Variants in SLC38A6 observed in about 807,000 individuals in gnomAD.
SLC38A6 encodes N system amino acid transporter NAT-1.
SLC38A6 carries 73 observed loss-of-function variants against 65.0 expected under a neutral mutation model. The observed-to-expected ratio is 1.12, with a 90% CI of 0.93 to 1.37. The LOEUF (loss-of-function observed/expected upper bound fraction) is 1.37, where lower values mean the gene tolerates loss of function less well. Ranked by LOEUF, SLC38A6 falls within the 40% of genes most tolerant of loss-of-function variation. The pLI, the probability that SLC38A6 is intolerant of heterozygous loss-of-function variation, is 0.00. For synonymous variants in SLC38A6, 183 were observed against 178.8 expected, an observed-to-expected ratio of 1.02 and a Z score of -0.19; for missense variants, 561 against 531.1, an observed-to-expected ratio of 1.06 and a Z score of -0.55.
chr14:61,048,140 C>A (rs1398506873), intron 12 of SLC38A6: 1 of 454,584 alleles, frequency 2.2e-6, no homozygotes, highest in Non-Finnish European at 4.4e-6. Flanking sequence ...TTGATCATAT[C>A]TTTCTACCAG....
chr14:61,075,466 T>C (rs1368729076), intron 15 of SLC38A6, among the ~76,000 whole-genome samples: 2 of 152,178 alleles, frequency 1.3e-5, no homozygotes, highest in Non-Finnish European at 2.9e-5. Flanking sequence ...ACGATCCTCA[T>C]ATGAGGGATG....
intron 15 of SLC38A6, among the ~76,000 whole-genome samples, chr14:61,064,933 A>T (rs904936215): frequency 6.6e-6 from 1 of 152,218 alleles, no homozygotes; most frequent in Non-Finnish European, 1.5e-5. Context: ...TCATGAGCTT[A>T]GCATTTAAAT....
intron 3 of SLC38A6, among the ~76,000 whole-genome samples, chr14:61,011,106 A>G (rs2039528509): frequency 6.6e-6 from 1 of 152,118 alleles, no homozygotes; most frequent in Non-Finnish European, 1.5e-5. Flanking sequence ...ATCCCTTCTA[A>G]GTTGGATTCC....
chr14:61,051,538 T>TA (rs1409955475), intron 13 of SLC38A6, among the ~76,000 whole-genome samples: 4 of 152,166 alleles, frequency 2.6e-5, no homozygotes, highest in Admixed American at 1.3e-4. Flanking sequence ...TTATGCAACC[T>TA]AAAAAAATTG....
intron 5 of SLC38A6, among the ~76,000 whole-genome samples, chr14:61,026,139 G>A (rs571514465): frequency 1.3e-5 from 2 of 151,994 alleles, no homozygotes; most frequent in Non-Finnish European, 2.9e-5. Flanking sequence ...CTCCAATTAG[G>A]GTTGGTTTGT....
At chr14:61,015,240 A>G (rs918798081) in intron 3 of SLC38A6, among the ~76,000 whole-genome samples, 8 of 152,202 alleles carry the variant, frequency 5.3e-5, no homozygotes, top group Non-Finnish European at 1.0e-4. Flanking sequence ...AAAGCGCAGT[A>G]TTAGGGTGGG....
intron 15 of SLC38A6, among the ~76,000 whole-genome samples, chr14:61,061,520 T>G (rs920686262): frequency 6.6e-6 from 1 of 152,212 alleles, no homozygotes; most frequent in Non-Finnish European, 1.5e-5. Flanking sequence ...TACCTGCTCG[T>G]CTTTGTACAT....
At chr14:60,981,527 C>A in intron 1 of SLC38A6, 145 bp downstream of exon 1, 1 of 1,532,456 alleles carries the variant, frequency 6.5e-7, no homozygotes, top group East Asian at 2.5e-5. Context: ...CTGAAGGCAG[C>A]CGCCGAGATT....
chr14:61,039,016 G>A (rs1248289048), intron 8 of SLC38A6, among the ~76,000 whole-genome samples: 1 of 152,198 alleles, frequency 6.6e-6, no homozygotes, highest in African/African-American at 2.4e-5. Flanking sequence ...AAGAGAATCA[G>A]TATAGATAAC....
chr14:61,082,255 G>A (rs1414132378), intron 16 of SLC38A6, among the ~76,000 whole-genome samples: 4 of 152,178 alleles, frequency 2.6e-5, no homozygotes, highest in Non-Finnish European at 4.4e-5. Flanking sequence ...GGCTGAAATC[G>A]TAAAACTGGT....
intron 15 of SLC38A6, among the ~76,000 whole-genome samples, chr14:61,061,695 G>A (rs115237298): frequency 1.9e-3 from 286 of 152,200 alleles, no homozygotes; most frequent in African/African-American, 6.7e-3. Flanking sequence ...TTTCTTTGTA[G>A]CACTGAATAG....
At chr14:61,010,294 G>T (rs2039459705) in intron 3 of SLC38A6, among the ~76,000 whole-genome samples, 1 of 152,144 alleles carries the variant, frequency 6.6e-6, no homozygotes, top group Non-Finnish European at 1.5e-5. Context: ...TGTCAGAAGA[G>T]TAGGTTGCAA....
chr14:61,018,665 C>T (rs2139568888), intron 4 of SLC38A6, among the ~76,000 whole-genome samples: 1 of 152,282 alleles, frequency 6.6e-6, no homozygotes, highest in Admixed American at 6.5e-5. Context: ...ACTGTTTCCT[C>T]TAAGCATATC....
At chr14:61,083,426 G>C in intron 16 of SLC38A6, 1 of 1,383,406 alleles carries the variant, frequency 7.2e-7, no homozygotes. Flanking sequence ...AAATTCGTAG[G>C]TTGAGGCCCC....
At chr14:61,054,591 T>G (rs1156356311), downstream of SLC38A6, among the ~76,000 whole-genome samples, 1 of 152,220 alleles carries the variant, frequency 6.6e-6, no homozygotes, top group Non-Finnish European at 1.5e-5. Context: ...ATCTTTCACC[T>G]CCCTGGTTAG....
chr14:61,024,177 C>T (rs1394930726), intron 5 of SLC38A6, among the ~76,000 whole-genome samples: 1 of 152,098 alleles, frequency 6.6e-6, no homozygotes, highest in Non-Finnish European at 1.5e-5. Context: ...CTAGTGTGGT[C>T]TGACAAATTG....
rs755252109 is a variant in SLC38A6 at position 61,030,463 on chromosome 14, T to C, written c.422T>C (p.Leu141Ser). ...TTTGCAGCTATGTCATCTTATCTTT[T>C]AATTATTAAAACAGAGCTTCCTGCT... is the stretch of plus-strand genomic sequence containing the variant. ...QNIGAMSSYLLIIKTELPAAI... is the reference protein window; with the variant it reads ...QNIGAMSSYLSIIKTELPAAI... The change falls in exon 6 of 16, where the codon TTA becomes TCA. Residue 141 changes from leucine (L) to serine (S), a missense_variant. Coordinates refer to ENST00000267488, the MANE Select transcript of SLC38A6 (RefSeq NM_153811.3). The C allele has an allele frequency of 6.2e-7, 1 of 1,609,842 alleles. No individual in the cohort carries two copies. The highest frequency in any genetic ancestry group is 8.5e-7 in the Non-Finnish European group (1 of 1,178,060).
chr14:61,011,625 A>C (rs1332468695), intron 3 of SLC38A6, among the ~76,000 whole-genome samples: 1 of 152,238 alleles, frequency 6.6e-6, no homozygotes, highest in Non-Finnish European at 1.5e-5. Flanking sequence ...CCTTTTCTGC[A>C]TCTATTGAGA....
In SLC38A6 at chr14:61,050,551, A is replaced by C; in HGVS notation, c.965A>C (p.Tyr322Ser). 1 of 1,585,564 alleles carries C rather than the reference A, an allele frequency of 6.3e-7. No homozygotes were observed. Among genetic ancestry groups the C allele is most frequent in the Non-Finnish European group, 8.6e-7 (1 of 1,159,072 alleles). ...GAATTACTAAAAGGTTATAGTAAAT[A>C]CTTATCACATGATGTTGTTGTCATG... ...ESELLKGYSK[Y>S]LSHDVVVMTV... Residue 322 changes from tyrosine to serine, a missense_variant, in exon 13 of 16, where the codon TAC (tyrosine) becomes TCC (serine). Coordinates refer to ENST00000267488, the MANE Select transcript of SLC38A6 (RefSeq NM_153811.3).
Sources: gnomAD v4.1 joint callset for allele counts (sites outside exome capture counted in the v4.1 genomes callset) on GRCh38, gnomAD v4.1.1 for gene constraint, MANE v1.5 for transcripts, NCBI Gene and HGNC (gene_info 2026-07-23, HGNC 2026-07-21) for gene names.